Variants in TTLL11 observed in about 807,000 individuals in gnomAD.
The protein encoded by TTLL11 is tubulin polyglutamylase TTLL11.
TTLL11 carries 42 observed loss-of-function variants against 51.7 expected under a neutral mutation model. The observed-to-expected ratio is 0.81, with a 90% CI of 0.64 to 1.05. The LOEUF is 1.05. Among genes scored for constraint, TTLL11 ranks in the 50% least tolerant of loss-of-function variants. The probability of loss-of-function intolerance (pLI) is 0.00; values close to 1 mark genes in which losing one functional copy is unlikely to be tolerated. For synonymous variants in TTLL11, 381 were observed against 383.5 expected (o/e 0.99, Z 0.08); for missense variants, 799 against 940.4 (o/e 0.85, Z 1.97).
chr9:121,845,576 G>A (rs1353307366), intron 8 of TTLL11, among the ~76,000 whole-genome samples: 5 of 152,106 alleles, frequency 3.3e-5, no homozygotes, highest in Non-Finnish European at 7.4e-5. Context: ...ACACTGCATT[G>A]GGTGATTATA....
chr9:121,869,920 C>G (rs997068758), intron 7 of TTLL11, among the ~76,000 whole-genome samples: 2 of 152,218 alleles, frequency 1.3e-5, no homozygotes, highest in Non-Finnish European at 2.9e-5. Context: ...GCGGCAACTG[C>G]TAACTTTGCA....
chr9:121,836,997 A>G (rs2119135647), intron 8 of TTLL11, among the ~76,000 whole-genome samples: 1 of 152,370 alleles, frequency 6.6e-6, no homozygotes, highest in Non-Finnish European at 1.5e-5. Flanking sequence ...ATCTGTATCC[A>G]TATAATTTTG....
At chr9:121,971,694 C>T (rs1842581939) in intron 6 of TTLL11, among the ~76,000 whole-genome samples, 4 of 132,036 alleles carry the variant, frequency 3.0e-5, no homozygotes, top group African/African-American at 8.2e-5. Context: ...AAGAAGTAGA[C>T]ATGGGAGACT....
intron 6 of TTLL11, among the ~76,000 whole-genome samples, chr9:121,880,761 G>C (rs1838754806): frequency 6.6e-6 from 1 of 152,220 alleles, no homozygotes; most frequent in African/African-American, 2.4e-5. Context: ...AATGAATACA[G>C]TCATTATTTC....
intron 6 of TTLL11, among the ~76,000 whole-genome samples, chr9:121,886,445 G>A (rs1411054238): frequency 1.3e-5 from 2 of 152,178 alleles, no homozygotes; most frequent in East Asian, 3.9e-4. Context: ...GACATACACA[G>A]AGGAGAAGGC....
chr9:121,933,273 C>T (rs142759812), intron 6 of TTLL11, among the ~76,000 whole-genome samples: 15 of 152,192 alleles, frequency 9.9e-5, no homozygotes, highest in African/African-American at 2.6e-4. Flanking sequence ...GGAAAGAGAA[C>T]GCTCTCCCGG....
intron 6 of TTLL11, among the ~76,000 whole-genome samples, chr9:121,905,973 A>G (rs943699751): frequency 6.6e-6 from 1 of 152,170 alleles, no homozygotes; most frequent in African/African-American, 2.4e-5. Flanking sequence ...AAGATTTTTC[A>G]TCTATAATCT....
Position 121,989,525 on chromosome 9 carries a change from A to G in TTLL11, c.939T>C (p.Tyr313=), listed in dbSNP as rs1843043176. 1.2e-6 allele frequency: 2 copies of G among 1,614,160 alleles called. No individual in the cohort carries two copies. Among genetic ancestry groups the G allele is most frequent in the Middle Eastern group, 1.6e-4 (1 of 6,062 alleles). Residue 313 remains tyrosine, a synonymous_variant, in exon 4 of 9, where the codon TAT becomes TAC. Transcript: ENST00000321582. The surrounding 1 kb of genome is among the most constrained non-coding windows in gnomAD (Gnocchi z 4.2). ...ACCTAGAGAGTCCGTCTTTGGCTAT[A>G]TAAATCTCTAAGGGGTCTAAGGACT... ...LLKSLDPLEI[Y]IAKDGLSRFC... is the part of the protein sequence containing the mutation.
At chr9:121,906,921 T>G (rs986431860) in intron 6 of TTLL11, among the ~76,000 whole-genome samples, 19 of 151,580 alleles carry the variant, frequency 1.3e-4, no homozygotes, top group African/African-American at 4.1e-4. Flanking sequence ...AAATATAGAG[T>G]TTTTGGCCGG....
chr9:121,837,095 G>T (rs1837201216), intron 8 of TTLL11, among the ~76,000 whole-genome samples: 1 of 152,180 alleles, frequency 6.6e-6, no homozygotes, highest in Non-Finnish European at 1.5e-5. Flanking sequence ...AGCATATATA[G>T]ATCTACCCTG....
At chr9:121,905,106 G>A (rs185244866) in intron 6 of TTLL11, among the ~76,000 whole-genome samples, 170 of 152,062 alleles carry the variant, frequency 1.1e-3, no homozygotes, top group Non-Finnish European at 1.9e-3. Context: ...CCAAGTTGCG[G>A]GGGTTCTCTG....
At chr9:121,950,804 C>A (rs10985463) in intron 6 of TTLL11, among the ~76,000 whole-genome samples, 30,503 of 152,114 alleles carry the variant, frequency 0.2, 3,232 homozygotes, top group Middle Eastern at 0.21. Flanking sequence ...CCTAACGACA[C>A]GAGCTCTGGG....
intron 6 of TTLL11, among the ~76,000 whole-genome samples, chr9:121,903,301 C>T (rs910178480): frequency 2.6e-5 from 4 of 152,114 alleles, no homozygotes; most frequent in Non-Finnish European, 5.9e-5. Context: ...TCCATCCTGC[C>T]GTACTGCTTT....
intron 3 of TTLL11, among the ~76,000 whole-genome samples, chr9:122,019,538 C>T (rs182356610): frequency 7.9e-5 from 12 of 152,308 alleles, no homozygotes; most frequent in East Asian, 3.9e-4. Flanking sequence ...CAGCCTCGAC[C>T]TCCTGGGCTC....
At chr9:121,827,605 G>A (rs1475700845) in intron 8 of TTLL11, among the ~76,000 whole-genome samples, 1 of 152,222 alleles carries the variant, frequency 6.6e-6, no homozygotes, top group Non-Finnish European at 1.5e-5. Context: ...TGAGTGTGGG[G>A]GGACGCGGGG....
chr9:121,910,055 T>G (rs1395114279), intron 6 of TTLL11, among the ~76,000 whole-genome samples: 1 of 152,168 alleles, frequency 6.6e-6, no homozygotes, highest in Non-Finnish European at 1.5e-5. Context: ...AGGGCAGAAA[T>G]TATAATTTCA....
In TTLL11 at chr9:122,060,742, T is replaced by C. The variant is rs190708476; in HGVS notation, c.463-21374A>G. 6.6e-3 allele frequency among the ~76,000 whole-genome samples: 1,011 copies of C among 152,304 alleles called. 8 individuals carry two copies. The highest frequency in any genetic ancestry group is 0.017 in the Middle Eastern group (5 of 294). ...TGGGGGGAGAAGTTGGACTACATGGTCTCCAAGGGCTCTTTCAGCCTCAAA... is the reference window on the plus strand; with the variant it reads ...TGGGGGGAGAAGTTGGACTACATGGCCTCCAAGGGCTCTTTCAGCCTCAAA... On this transcript the variant is annotated intron_variant, in intron 1 of 8. Coordinates refer to ENST00000321582, the MANE Select transcript of TTLL11 (RefSeq NM_001139442.2).
At chr9:121,863,839 C>T (rs745864515) in intron 7 of TTLL11, among the ~76,000 whole-genome samples, 15 of 152,302 alleles carry the variant, frequency 9.8e-5, no homozygotes, top group East Asian at 3.9e-4. Flanking sequence ...ACTTGCCCAA[C>T]GTCACACAGC....
intron 8 of TTLL11, among the ~76,000 whole-genome samples, chr9:121,825,217 C>CTG (rs149272655): frequency 4.6e-5 from 7 of 151,812 alleles, no homozygotes; most frequent in African/African-American, 7.3e-5. Flanking sequence ...GTATGTGCAT[C>CTG]TGTGTGTGTG....
Sources: gnomAD v4.1 joint callset for allele counts (sites outside exome capture counted in the v4.1 genomes callset) on GRCh38, gnomAD v4.1.1 for gene constraint, Gnocchi (gnomAD v3.1) non-coding constraint, MANE v1.5 for transcripts, NCBI Gene and HGNC (gene_info 2026-07-23, HGNC 2026-07-21) for gene names.